DOCK1: variants seen among roughly 807,000 people sequenced by gnomAD.
DOCK1 encodes the protein dedicator of cytokinesis 1.
A neutral mutation model predicts 262.7 loss-of-function variants in DOCK1; 138 were observed. That is an observed-to-expected ratio of 0.53 (90% CI 0.46 to 0.61). DOCK1 has a LOEUF of 0.61. DOCK1 is among the 20% of genes least tolerant of loss of function. The pLI is 0.00. For missense variants in DOCK1, 1,908 were observed against 2,370.7 expected, an observed-to-expected ratio of 0.80 and a Z score of 4.05; for synonymous variants, 866 against 867.4, an observed-to-expected ratio of 1.00 and a Z score of 0.03.
At chr10:126,951,529 A>G (rs946210158) in intron 1 of DOCK1, among the ~76,000 whole-genome samples, 1 of 149,552 alleles carries the variant, frequency 6.7e-6, no homozygotes, top group Admixed American at 6.7e-5. Context: ...TGTTGGTATT[A>G]TTGCTGTTGG....
intron 25 of DOCK1, among the ~76,000 whole-genome samples, chr10:127,118,764 G>T (rs1265823131): frequency 6.6e-6 from 1 of 152,150 alleles, no homozygotes; most frequent in Non-Finnish European, 1.5e-5. Context: ...CACGTAAAAG[G>T]TACTGTCGGG....
At chr10:127,447,358 A>T (rs746971632) in intron 50 of DOCK1, 36 bp from the exon 51 acceptor site, 1 of 1,596,942 alleles carries the variant, frequency 6.3e-7, no homozygotes, top group East Asian at 2.3e-5. Context: ...TCCGTGGGGA[A>T]GTCGGGCTGA....
At chr10:127,239,139 T>C (rs2059173958) in intron 27 of DOCK1, among the ~76,000 whole-genome samples, 1 of 152,182 alleles carries the variant, frequency 6.6e-6, no homozygotes, top group South Asian at 2.1e-4. Context: ...AGTAGGCGAT[T>C]TTGAAAATAA....
intron 23 of DOCK1, among the ~76,000 whole-genome samples, chr10:127,104,198 A>C (rs2048406518): frequency 6.6e-6 from 1 of 152,196 alleles, no homozygotes. Context: ...TATGATCTCC[A>C]GTCATTTTCT....
At chr10:127,042,060 T>A (rs1225176664) in intron 19 of DOCK1, among the ~76,000 whole-genome samples, 1 of 152,246 alleles carries the variant, frequency 6.6e-6, no homozygotes, top group African/African-American at 2.4e-5. Context: ...ATTTGGTAAA[T>A]TTTAGTCAAC....
At chr10:127,322,903 G>A (rs1445322954) in intron 29 of DOCK1, among the ~76,000 whole-genome samples, 2 of 152,200 alleles carry the variant, frequency 1.3e-5, no homozygotes, top group Admixed American at 1.3e-4. Flanking sequence ...TTAAGAATGG[G>A]CACATCTTAT....
chr10:127,143,935 C>G (rs971587863), intron 27 of DOCK1, among the ~76,000 whole-genome samples: 1 of 152,200 alleles, frequency 6.6e-6, no homozygotes, highest in Non-Finnish European at 1.5e-5. Flanking sequence ...GCCTGCATCT[C>G]TGTCCTTCCA....
At chr10:127,215,327 C>G (rs2134376693) in intron 27 of DOCK1, among the ~76,000 whole-genome samples, 1 of 152,246 alleles carries the variant, frequency 6.6e-6, no homozygotes, top group East Asian at 1.9e-4. Context: ...CCTGCAGCAT[C>G]CATGGAGCAC....
intron 22 of DOCK1, among the ~76,000 whole-genome samples, chr10:127,059,296 T>C (rs191443785): frequency 1.2e-4 from 19 of 152,320 alleles, no homozygotes; most frequent in Admixed American, 1.2e-3. Flanking sequence ...GTTTTTGCTT[T>C]TTATTTATCC....
In DOCK1 at chr10:127,257,439, G is replaced by A; in HGVS notation, c.3044+10G>A. On this transcript the variant is annotated intron_variant, in intron 29 of 51. Coordinates refer to ENST00000623213, the MANE Select transcript of DOCK1 (RefSeq NM_001290223.2). ...ACATGGTGCAAAATAAGTAAGTGTG[G>A]GGAAAACGGCTCTCACCTTTTCTAT... 1 of 1,589,982 alleles carries A rather than the reference G, an allele frequency of 6.3e-7. No homozygotes were observed. The highest frequency in any genetic ancestry group is 8.6e-7 in the Non-Finnish European group (1 of 1,166,582).
At chr10:127,362,797 C>G (rs67622203) in intron 33 of DOCK1, among the ~76,000 whole-genome samples, 42,419 of 70,656 alleles carry the variant, frequency 0.6, 13,604 homozygotes, top group African/African-American at 0.78. Flanking sequence ...AATAAGTATA[C>G]TGTTTATGTA....
chr10:127,221,001 G>A (rs1357097856), intron 27 of DOCK1, among the ~76,000 whole-genome samples: 1 of 152,188 alleles, frequency 6.6e-6, no homozygotes, highest in Non-Finnish European at 1.5e-5. Context: ...CAGTTTAGAT[G>A]TGTGGTTGCT....
chr10:127,178,401 G>A (rs1176837007), intron 27 of DOCK1, among the ~76,000 whole-genome samples: 1 of 152,196 alleles, frequency 6.6e-6, no homozygotes, highest in African/African-American at 2.4e-5. Context: ...GGGCTTTGCT[G>A]TGCGGTGCAG....
chr10:127,000,092 A>G, intron 9 of DOCK1, 80 bp from the exon 10 acceptor site: 4 of 1,534,890 alleles, frequency 2.6e-6, no homozygotes, highest in Non-Finnish European at 3.5e-6. Context: ...GTCTCAATCC[A>G]TTTTTTTACT....
chr10:127,082,425 G>A (rs1176701335), intron 23 of DOCK1, among the ~76,000 whole-genome samples: 2 of 152,106 alleles, frequency 1.3e-5, no homozygotes, highest in South Asian at 2.1e-4. Context: ...CAATCATGGC[G>A]GAAGGTGAAG....
intron 1 of DOCK1, among the ~76,000 whole-genome samples, chr10:126,923,785 G>T (rs2033436106): frequency 6.6e-6 from 1 of 152,192 alleles, no homozygotes; most frequent in Non-Finnish European, 1.5e-5. Flanking sequence ...ATGGGATTAG[G>T]ATATGGAGCC....
chr10:127,189,112 G>A (rs935680682), intron 27 of DOCK1, among the ~76,000 whole-genome samples: 1 of 152,216 alleles, frequency 6.6e-6, no homozygotes, highest in Non-Finnish European at 1.5e-5. Flanking sequence ...GGATGACACT[G>A]GATGCAGGAC....
chr10:127,249,773 G>A (rs927045476), intron 28 of DOCK1, among the ~76,000 whole-genome samples: 1 of 152,204 alleles, frequency 6.6e-6, no homozygotes, highest in African/African-American at 2.4e-5. Flanking sequence ...TACGCAGCAC[G>A]TGACTGTACT....
chr10:126,953,057 G>T (rs1422902069), intron 1 of DOCK1, among the ~76,000 whole-genome samples: 2 of 151,690 alleles, frequency 1.3e-5, no homozygotes, highest in Non-Finnish European at 2.9e-5. Flanking sequence ...TTTGGTAGTG[G>T]TGGTAGTATT....
Sources: allele counts gnomAD v4.1 joint callset (sites outside exome capture counted in the v4.1 genomes callset), GRCh38; gene constraint gnomAD v4.1.1; transcripts MANE v1.5; gene names NCBI Gene and HGNC (gene_info 2026-07-23, HGNC 2026-07-21).